CDH8: variants seen among roughly 807,000 people sequenced by gnomAD.
CDH8 encodes the protein cadherin-8.
CDH8 carries 17 observed loss-of-function variants against 68.1 expected under a neutral mutation model. That is an observed-to-expected ratio of 0.25 (90% confidence interval 0.17 to 0.37). CDH8 has a LOEUF of 0.37. Ranked by LOEUF, CDH8 falls within the 10% of genes least tolerant of loss-of-function variation. The pLI is 1.00. For synonymous variants in CDH8, 372 were observed against 365.1 expected (o/e 1.02, Z -0.21); for missense variants, 763 against 999.3 (o/e 0.76, Z 3.19).
chr16:61,753,109 A>G (rs8061374), intron 8 of CDH8, among the ~76,000 whole-genome samples: 4,352 of 148,102 alleles, frequency 0.029, 200 homozygotes, highest in African/African-American at 0.11. Flanking sequence ...ATTTTTTTAT[A>G]AACTACTGTA....
At chr16:61,880,467 T>C (rs760602591) in intron 3 of CDH8, among the ~76,000 whole-genome samples, 1 of 152,118 alleles carries the variant, frequency 6.6e-6, no homozygotes, top group South Asian at 2.1e-4. Flanking sequence ...CAGAAAGCAA[T>C]GGAGAAACAC....
intron 4 of CDH8, among the ~76,000 whole-genome samples, chr16:61,851,058 G>T (rs965213838): frequency 1.3e-5 from 2 of 151,976 alleles, no homozygotes; most frequent in East Asian, 3.9e-4. Context: ...CACTAAGCAA[G>T]TTCTTTAGCC....
intron 2 of CDH8, among the ~76,000 whole-genome samples, chr16:61,936,162 T>G (rs894269566): frequency 6.6e-6 from 1 of 152,204 alleles, no homozygotes; most frequent in Admixed American, 6.5e-5. Flanking sequence ...TCTGTCATTG[T>G]ATATACTCAA....
At chr16:62,020,810 GTA>G (rs1253321374) in intron 2 of CDH8, among the ~76,000 whole-genome samples, 1 of 152,184 alleles carries the variant, frequency 6.6e-6, no homozygotes, top group Admixed American at 6.5e-5. Flanking sequence ...GAAAATGTGC[GTA>G]TCTCTTCCAA....
In CDH8 at chr16:61,987,907, C is replaced by T. The variant is rs566921794; in HGVS notation, c.252+33245G>A. ...GTTCTCTCAATAGCCTTATGAGGTA[C>T]GTAATATCATTTTCATAACTTCCCA... On this transcript the variant is annotated intron_variant, in intron 2 of 11. Transcript: ENST00000577390. 7.2e-5 allele frequency among the ~76,000 whole-genome samples: 11 copies of T among 152,188 alleles called. No individual in the cohort carries two copies. In the South Asian group the frequency reaches 1.0e-3, roughly 14 times the overall value.
chr16:61,752,059 G>A (rs2142949939), intron 8 of CDH8, among the ~76,000 whole-genome samples: 1 of 152,132 alleles, frequency 6.6e-6, no homozygotes, highest in Non-Finnish European at 1.5e-5. Context: ...TCTACTCAGG[G>A]GGAAGAGTTC....
chr16:61,770,098 G>A (rs1354555457), intron 8 of CDH8, among the ~76,000 whole-genome samples: 1 of 151,766 alleles, frequency 6.6e-6, no homozygotes. Flanking sequence ...TTGTGTCCCG[G>A]CTTTCCTGAG....
At chr16:61,779,218 A>T (rs1960978243) in intron 8 of CDH8, among the ~76,000 whole-genome samples, 1 of 152,158 alleles carries the variant, frequency 6.6e-6, no homozygotes, top group Non-Finnish European at 1.5e-5. Context: ...TCTGTGAAGG[A>T]CATTTTAAAA....
rs1963268924 is a variant in CDH8, at chr16:61,649,223, C to T, written c.*4385G>A. Reference sequence around the variant, plus strand: ...TAATTCTAATCCCAGGTATTATGAGCCATTATTCTGTTCACAAATAAAAAG... The same window carrying T: ...TAATTCTAATCCCAGGTATTATGAGTCATTATTCTGTTCACAAATAAAAAG... On this transcript the variant is annotated 3_prime_UTR_variant, in exon 12 of 12. Coordinates refer to ENST00000577390, the MANE Select transcript of CDH8 (RefSeq NM_001796.5). 6.6e-6 allele frequency: 1 copy of T among 151,966 alleles called. No homozygotes were observed. The highest frequency in any genetic ancestry group is 2.1e-4 in the South Asian group (1 of 4,820). 9.4% of individuals were successfully genotyped at this position (151,966 alleles called of 1,614,324 possible). A position where few individuals can be genotyped will look rare whatever the true frequency, so the allele number is the denominator to read the frequency against.
At chr16:61,757,186 C>T (rs1254194417) in intron 8 of CDH8, among the ~76,000 whole-genome samples, 1 of 152,060 alleles carries the variant, frequency 6.6e-6, no homozygotes, top group East Asian at 1.9e-4. Context: ...ATTCCCGGGT[C>T]ACACAGTGGG....
intron 2 of CDH8, among the ~76,000 whole-genome samples, chr16:62,005,588 T>A (rs566070283): frequency 7.2e-5 from 11 of 151,920 alleles, no homozygotes; most frequent in African/African-American, 2.4e-4. Context: ...ATACAAAAAT[T>A]AGCTGGGCGT....
chr16:61,983,849 T>C (rs1278512658), intron 2 of CDH8, among the ~76,000 whole-genome samples: 3 of 150,984 alleles, frequency 2.0e-5, no homozygotes, highest in Admixed American at 6.6e-5. Flanking sequence ...TGTCTTCACA[T>C]GGCAAGGAGA....
intron 3 of CDH8, among the ~76,000 whole-genome samples, chr16:61,873,678 T>C (rs534922260): frequency 6.6e-6 from 1 of 152,146 alleles, no homozygotes; most frequent in Non-Finnish European, 1.5e-5. Flanking sequence ...TGATATGTGA[T>C]ATAACTCTGT....
chr16:61,755,545 A>T (rs920822898), intron 8 of CDH8, among the ~76,000 whole-genome samples: 49 of 152,132 alleles, frequency 3.2e-4, no homozygotes, highest in African/African-American at 1.1e-3. Context: ...TTAAATTGTC[A>T]GTTTCAAGAA....
chr16:62,003,921 G>A (rs938978130), intron 2 of CDH8, among the ~76,000 whole-genome samples: 2 of 152,042 alleles, frequency 1.3e-5, no homozygotes, highest in African/African-American at 4.8e-5. Flanking sequence ...CTTCCACTTA[G>A]TAAAATGTAT....
Position 62,021,316 on chromosome 16 carries a change from C to T in CDH8, c.88G>A (p.Ala30Thr), listed in dbSNP as rs757516440. 4.5e-5 allele frequency: 73 copies of T among 1,613,846 alleles called. No homozygotes were observed. The highest frequency in any genetic ancestry group is 5.5e-5 in the Non-Finnish European group (65 of 1,179,948). ...AAAACTTGAGACTGATTCATCGGAG[C>T]CATGTAAATGCAAGGGGGAAGAGTA... ...WITLPPCIYM[A>T]PMNQSQVLMS... The change falls in exon 2 of 12, where the codon GCT (alanine) becomes ACT (threonine). Residue 30 changes from alanine (A) to threonine (T), a missense_variant. By Grantham distance (58) the Ala-to-Thr change is moderately conservative. Transcript: ENST00000577390.
Position 61,817,540 on chromosome 16 carries a change from G to C in CDH8, c.1216C>G (p.Leu406Val), listed in dbSNP as rs375849945. The C allele has an allele frequency of 6.2e-7, 1 of 1,613,918 alleles. No individual in the cohort carries two copies. Among genetic ancestry groups the C allele is most frequent in the East Asian group, 2.2e-5 (1 of 44,850 alleles). The change falls in exon 7 of 12, where the codon CTA (leucine) becomes GTA (valine). Residue 406 changes from leucine (L) to valine (V), a missense_variant. Leu to Val is a conservative substitution (Grantham distance 32). Transcript: ENST00000577390. ...YLLEVHENAA[L>V]NSVIGQVTAR... ...GTCACTTGCCCAATCACGGAGTTTAGAGCAGCATTTTCATGAACTTCAAGT... is the reference window on the plus strand; with the variant it reads ...GTCACTTGCCCAATCACGGAGTTTACAGCAGCATTTTCATGAACTTCAAGT...
chr16:61,804,735 C>T (rs1417300043), intron 7 of CDH8, among the ~76,000 whole-genome samples: 2 of 147,190 alleles, frequency 1.4e-5, no homozygotes, highest in African/African-American at 5.1e-5. Flanking sequence ...TGGATACATT[C>T]CTCGACACAT....
At chr16:61,773,231 TCA>T (rs1178654926) in intron 8 of CDH8, among the ~76,000 whole-genome samples, 1 of 152,080 alleles carries the variant, frequency 6.6e-6, no homozygotes, top group Non-Finnish European at 1.5e-5. Flanking sequence ...CAGAGAATCT[TCA>T]CAGAGAACAC....
Sources: allele counts gnomAD v4.1 joint callset (sites outside exome capture counted in the v4.1 genomes callset), GRCh38; gene constraint gnomAD v4.1.1; transcripts MANE v1.5; gene names NCBI Gene and HGNC (gene_info 2026-07-23, HGNC 2026-07-21).